WWOX: variants seen among roughly 807,000 people sequenced by gnomAD.
WWOX encodes the protein WW domain-containing oxidoreductase.
A neutral mutation model predicts 46.2 loss-of-function variants in WWOX; 69 were observed. The observed-to-expected ratio is 1.49, with a 90% CI of 1.23 to 1.82. WWOX has a LOEUF of 1.82. WWOX is among the 40% of genes most tolerant of loss of function. The pLI is 0.00. For missense variants in WWOX, 919 were observed against 542.6 expected (o/e 1.69, Z -6.89); for synonymous variants, 359 against 202.6 (o/e 1.77, Z -6.56).
At chr16:79,047,066 C>G (rs1371664697) in intron 8 of WWOX, among the ~76,000 whole-genome samples, 1 of 152,204 alleles carries the variant, frequency 6.6e-6, no homozygotes, top group East Asian at 1.9e-4. Flanking sequence ...TTGGCATCCA[C>G]AAATATTGCT....
At chr16:78,210,791 C>G (rs553024126) in intron 5 of WWOX, among the ~76,000 whole-genome samples, 1 of 152,068 alleles carries the variant, frequency 6.6e-6, no homozygotes, top group African/African-American at 2.4e-5. Context: ...TTAGGTCTAC[C>G]CAGTTATAAT....
intron 8 of WWOX, among the ~76,000 whole-genome samples, chr16:78,594,806 C>G (rs970419372): frequency 2.0e-5 from 3 of 152,142 alleles, no homozygotes; most frequent in African/African-American, 7.2e-5. Context: ...GCCTCAGTCT[C>G]TCGGGATGTA....
At chr16:78,543,800 C>G (rs925457592) in intron 8 of WWOX, among the ~76,000 whole-genome samples, 2 of 152,084 alleles carry the variant, frequency 1.3e-5, no homozygotes, top group Admixed American at 6.6e-5. Flanking sequence ...ATTGAATGCC[C>G]CATAAATTGC....
At chr16:78,776,881 C>A (rs2050204224) in intron 8 of WWOX, among the ~76,000 whole-genome samples, 2 of 152,096 alleles carry the variant, frequency 1.3e-5, no homozygotes, top group South Asian at 2.1e-4. Flanking sequence ...GGGGAACCAC[C>A]CCCATCATCC....
In WWOX at chr16:79,212,268, A is replaced by T; in HGVS notation, c.*472A>T. ...GATCCAGGAGATAATTGTTTCATTC[A>T]TCCTGACCAAGACTGAGCCAGCTTA... On this transcript the variant is annotated 3_prime_UTR_variant, in exon 9 of 9. Transcript: ENST00000566780. The T allele has an allele frequency of 3.2e-6, 4 of 1,263,746 alleles. No individual in the cohort carries two copies. Among genetic ancestry groups the T allele is most frequent in the Non-Finnish European group, 4.2e-6 (4 of 945,452 alleles). 78.3% of individuals were successfully genotyped at this position (1,263,746 alleles called of 1,614,324 possible). A position where few individuals can be genotyped will look rare whatever the true frequency, so the allele number is the denominator to read the frequency against.
At chr16:79,166,311 T>C (rs2050593360) in intron 8 of WWOX, among the ~76,000 whole-genome samples, 1 of 152,196 alleles carries the variant, frequency 6.6e-6, no homozygotes, top group Admixed American at 6.5e-5. Context: ...GGCCTTAATT[T>C]CTCTGACACA....
chr16:78,860,548 G>A (rs575432205), intron 8 of WWOX, among the ~76,000 whole-genome samples: 15 of 152,322 alleles, frequency 9.8e-5, no homozygotes, highest in African/African-American at 3.4e-4. Flanking sequence ...ATTGTTCTAA[G>A]AGGGAAAGAT....
chr16:78,915,407 C>T (rs570751658), intron 8 of WWOX, among the ~76,000 whole-genome samples: 1 of 152,158 alleles, frequency 6.6e-6, no homozygotes, highest in Non-Finnish European at 1.5e-5. Flanking sequence ...TTAATTGTTA[C>T]TCTACAGGGC....
At chr16:79,021,924 A>G (rs1042288759) in intron 8 of WWOX, among the ~76,000 whole-genome samples, 4 of 152,208 alleles carry the variant, frequency 2.6e-5, no homozygotes, top group Non-Finnish European at 5.9e-5. Flanking sequence ...CAGCAACTGT[A>G]TCACCCAGTT....
At chr16:79,037,244 G>A (rs999419807) in intron 8 of WWOX, among the ~76,000 whole-genome samples, 4 of 152,120 alleles carry the variant, frequency 2.6e-5, no homozygotes, top group Admixed American at 2.0e-4. Context: ...TCTCTCTCTC[G>A]CTCCTGCTCC....
At chr16:79,056,224 A>C (rs912039128) in intron 8 of WWOX, among the ~76,000 whole-genome samples, 83 of 152,140 alleles carry the variant, frequency 5.5e-4, no homozygotes, top group Non-Finnish European at 9.3e-4. Flanking sequence ...CCAAAAAAAA[A>C]AAAAAAAAAA....
At chr16:79,176,063 C>T (rs1228349678) in intron 8 of WWOX, among the ~76,000 whole-genome samples, 1 of 152,218 alleles carries the variant, frequency 6.6e-6, no homozygotes, top group African/African-American at 2.4e-5. Flanking sequence ...CACATTAGAG[C>T]AGCTGTTACA....
intron 5 of WWOX, among the ~76,000 whole-genome samples, chr16:78,178,212 G>C (rs1342153827): frequency 6.6e-6 from 1 of 152,186 alleles, no homozygotes; most frequent in East Asian, 1.9e-4. Context: ...GAGGGGATTA[G>C]GGCAGATTCA....
intron 8 of WWOX, among the ~76,000 whole-genome samples, chr16:78,906,677 T>C (rs1311912366): frequency 6.6e-6 from 1 of 152,212 alleles, no homozygotes; most frequent in East Asian, 1.9e-4. Flanking sequence ...TTGCATTTTG[T>C]TGTGGTGTGG....
rs74523177 is a variant in WWOX, at chr16:78,559,043, C to T, written c.1056+126291C>T. 2.6e-3 allele frequency among the ~76,000 whole-genome samples: 395 copies of T among 152,292 alleles called. 5 individuals carry two copies. Among genetic ancestry groups the T allele is most frequent in the African/African-American group, 9.1e-3 (377 of 41,544 alleles). ...CCACGGCATCCACACAAGATCTGGC[C>T]GCTACGTGGAAGGACACATAGTTCC... On this transcript the variant is annotated intron_variant, in intron 8 of 8. Coordinates refer to ENST00000566780, the MANE Select transcript of WWOX (RefSeq NM_016373.4).
intron 5 of WWOX, among the ~76,000 whole-genome samples, chr16:78,306,224 T>G (rs1043188826): frequency 6.6e-6 from 1 of 152,200 alleles, no homozygotes; most frequent in African/African-American, 2.4e-5. Flanking sequence ...TTTTGATGAT[T>G]TGGGAACCGC....
intron 8 of WWOX, among the ~76,000 whole-genome samples, chr16:78,523,384 C>G (rs1012174894): frequency 1.3e-5 from 2 of 152,186 alleles, no homozygotes; most frequent in Non-Finnish European, 1.5e-5. Context: ...ATTCAAATGG[C>G]TCTATAAGAG....
chr16:78,382,303 T>G (rs920494317), intron 5 of WWOX, among the ~76,000 whole-genome samples: 9 of 152,194 alleles, frequency 5.9e-5, no homozygotes, highest in African/African-American at 2.2e-4. Flanking sequence ...CACTATTAAG[T>G]GGAAGTCTTT....
At chr16:79,190,153 T>C (rs1017441498) in intron 8 of WWOX, among the ~76,000 whole-genome samples, 2 of 151,892 alleles carry the variant, frequency 1.3e-5, no homozygotes, top group Non-Finnish European at 2.9e-5. Context: ...GCCTCCCGAG[T>C]AGCTGGGATT....
Sources: allele counts gnomAD v4.1 joint callset (sites outside exome capture counted in the v4.1 genomes callset), GRCh38; gene constraint gnomAD v4.1.1; transcripts MANE v1.5; gene names NCBI Gene and HGNC (gene_info 2026-07-23, HGNC 2026-07-21).